Variants in CALN1 observed in about 807,000 individuals in gnomAD.
The protein encoded by CALN1 is calneuron 1.
Under a neutral mutation model 30.6 loss-of-function variants are expected in CALN1, and 17 were observed. The ratio of observed to expected loss-of-function variants is 0.56; its 90% CI spans 0.38 to 0.83. The LOEUF (loss-of-function observed/expected upper bound fraction) is 0.83. Among genes scored for constraint, CALN1 ranks in the 40% least tolerant of loss-of-function variants. The probability of loss-of-function intolerance (pLI) is 0.00; values close to 1 mark genes in which losing one functional copy is unlikely to be tolerated. For missense variants in CALN1, 291 were observed against 354.9 expected (o/e 0.82, Z 1.45); for synonymous variants, 156 against 131.4 (o/e 1.19, Z -1.28).
At chr7:72,349,686 A>G (rs1802825566) in intron 2 of CALN1, among the ~76,000 whole-genome samples, 1 of 152,212 alleles carries the variant, frequency 6.6e-6, no homozygotes. Context: ...GTCTCTAACA[A>G]TTAGTGATGC....
At chr7:72,194,302 G>A (rs953155642) in intron 3 of CALN1, among the ~76,000 whole-genome samples, 3 of 152,188 alleles carry the variant, frequency 2.0e-5, no homozygotes, top group African/African-American at 7.2e-5. Context: ...GGCCGAGGCA[G>A]GTGGATCATC....
At chr7:71,916,407 T>A (rs1794689771) in intron 5 of CALN1, among the ~76,000 whole-genome samples, 1 of 150,384 alleles carries the variant, frequency 6.6e-6, no homozygotes. Context: ...AGGCAAAGAG[T>A]GGGCAGAGGA....
At chr7:72,348,064 A>T (rs1802737531) in intron 2 of CALN1, among the ~76,000 whole-genome samples, 1 of 152,122 alleles carries the variant, frequency 6.6e-6, no homozygotes, top group Admixed American at 6.6e-5. Context: ...CTAGGAAGCG[A>T]AGGTTGCAGT....
At chr7:72,454,389 G>C in the CALN1 span, among the ~76,000 whole-genome samples, 1 of 152,170 alleles carries the variant, frequency 6.6e-6, no homozygotes, top group Non-Finnish European at 1.5e-5. Context: ...AGGGGCAGCT[G>C]AAAGAGGCCA....
In CALN1 at chr7:72,345,283, T is replaced by A. The variant is rs116264114; in HGVS notation, c.119+57968A>T. ...GCATTCATTCACCTGTGTTTGAAACTGCACATGGTGAATGGTTTAAAAAAA... is the reference window on the plus strand; with the variant it reads ...GCATTCATTCACCTGTGTTTGAAACAGCACATGGTGAATGGTTTAAAAAAA... On this transcript the variant is annotated intron_variant, in intron 2 of 6. Transcript: ENST00000395275. Among the ~76,000 whole-genome samples the A allele has an allele frequency of 1.1e-3, 155 of 141,818 alleles. 2 individuals are homozygous for A. Among genetic ancestry groups the A allele is most frequent in the African/African-American group, 3.8e-3 (143 of 38,114 alleles). The allele number at this position is 141,818 out of a possible 152,430, so 93.0% of individuals were successfully genotyped here.
At chr7:71,936,338 A>G (rs1400886292) in intron 5 of CALN1, among the ~76,000 whole-genome samples, 1 of 151,768 alleles carries the variant, frequency 6.6e-6, no homozygotes, top group Non-Finnish European at 1.5e-5. Flanking sequence ...CTCTACTAAA[A>G]ATACAAAAAA....
At chr7:72,179,219 T>A (rs1239176671) in intron 3 of CALN1, among the ~76,000 whole-genome samples, 1 of 152,258 alleles carries the variant, frequency 6.6e-6, no homozygotes, top group African/African-American at 2.4e-5. Context: ...ATTCTATTTA[T>A]ACGTCTAACC....
At chr7:71,970,590 T>C (rs968436121) in intron 5 of CALN1, among the ~76,000 whole-genome samples, 2 of 152,098 alleles carry the variant, frequency 1.3e-5, no homozygotes, top group Admixed American at 6.5e-5. Context: ...ATACCTTTTT[T>C]TTTTTTTTGC....
At chr7:72,235,758 G>GC (rs1158134629) in intron 3 of CALN1, among the ~76,000 whole-genome samples, 1 of 138,978 alleles carries the variant, frequency 7.2e-6, no homozygotes. Context: ...TCAAATCTCT[G>GC]CCCCATCACC....
Position 72,023,645 on chromosome 7 carries a change from ATT to A in CALN1, c.501+10_501+11del. On this transcript the variant is annotated intron_variant, in intron 5 of 6. Coordinates refer to ENST00000395275, the MANE Select transcript of CALN1 (RefSeq NM_031468.4). ...TGTCAAACTTAGTCTGAAAAAAAATATTCTTACTCACCTGCCAGAATATGCTG... is the reference window on the plus strand; with the variant it reads ...TGTCAAACTTAGTCTGAAAAAAAATACTTACTCACCTGCCAGAATATGCTG... 6.2e-7 allele frequency: 1 copy of A among 1,604,998 alleles called. No homozygotes were observed. Among genetic ancestry groups the A allele is most frequent in the Non-Finnish European group, 8.5e-7 (1 of 1,172,970 alleles).
intron 2 of CALN1, among the ~76,000 whole-genome samples, chr7:72,290,818 T>C (rs1400065576): frequency 6.6e-6 from 1 of 152,182 alleles, no homozygotes; most frequent in Non-Finnish European, 1.5e-5. Flanking sequence ...ATGACTGTAT[T>C]TTCCATTTCC....
intron 3 of CALN1, among the ~76,000 whole-genome samples, chr7:72,240,063 G>A (rs1311624560): frequency 1.3e-5 from 2 of 152,136 alleles, no homozygotes; most frequent in African/African-American, 4.8e-5. Flanking sequence ...GAGAATCCTA[G>A]CCTCAAGTTC....
intron 3 of CALN1, among the ~76,000 whole-genome samples, chr7:72,189,587 T>C (rs1052394901): frequency 6.6e-6 from 1 of 151,902 alleles, no homozygotes; most frequent in Non-Finnish European, 1.5e-5. Context: ...AGTCTGGCCA[T>C]TGTGGTGAAA....
the CALN1 span, among the ~76,000 whole-genome samples, chr7:72,487,806 AAGAG>A: frequency 7.2e-3 from 886 of 122,300 alleles, no homozygotes; most frequent in African/African-American, 0.028. Context: ...AGAAAGGAGA[AAGAG>A]AGAGAGAAAG....
intron 4 of CALN1, among the ~76,000 whole-genome samples, chr7:72,093,341 T>C (rs921556391): frequency 1.1e-4 from 16 of 152,308 alleles, no homozygotes; most frequent in African/African-American, 3.8e-4. Context: ...GAATCTCACT[T>C]CTAGGAATCC....
intron 3 of CALN1, among the ~76,000 whole-genome samples, chr7:72,181,084 C>CGAAACT (rs1219834130): frequency 1.8e-5 from 2 of 113,628 alleles, no homozygotes; most frequent in African/African-American, 6.6e-5. Context: ...GGCAACAGAG[C>CGAAACT]GAAACTGCAT....
At chr7:72,135,407 G>A (rs779407985) in intron 3 of CALN1, among the ~76,000 whole-genome samples, 1 of 152,126 alleles carries the variant, frequency 6.6e-6, no homozygotes, top group Non-Finnish European at 1.5e-5. Flanking sequence ...TTAACTCCTT[G>A]ATGTATGGGC....
the CALN1 span, among the ~76,000 whole-genome samples, chr7:72,458,266 C>A: frequency 2.5e-4 from 14 of 56,924 alleles, no homozygotes; most frequent in South Asian, 1.5e-3. Flanking sequence ...ATAATATATT[C>A]TATATTATAT....
At chr7:72,095,458 A>G (rs897617407) in intron 4 of CALN1, among the ~76,000 whole-genome samples, 18 of 152,202 alleles carry the variant, frequency 1.2e-4, no homozygotes, top group African/African-American at 4.3e-4. Flanking sequence ...AAAGAGTTTA[A>G]TGCTAATTAT....
Sources: allele counts gnomAD v4.1 joint callset (sites outside exome capture counted in the v4.1 genomes callset), GRCh38; gene constraint gnomAD v4.1.1; transcripts MANE v1.5; gene names NCBI Gene and HGNC (gene_info 2026-07-23, HGNC 2026-07-21).